PCDHGA2: variants seen among roughly 807,000 people sequenced by gnomAD.
The protein encoded by PCDHGA2 is protocadherin gamma subfamily A, 2, also known as protocadherin gamma-A2.
In PCDHGA2, 40 loss-of-function variants were observed where a neutral mutation model predicts 59.2. The ratio of observed to expected loss-of-function variants is 0.68; its 90% CI spans 0.52 to 0.88. The LOEUF is 0.88. Ranked by LOEUF, PCDHGA2 falls within the 40% of genes least tolerant of loss-of-function variation. PCDHGA2 has a pLI of 0.00. For missense variants in PCDHGA2, 1,226 were observed against 1,204.0 expected (o/e 1.02, Z -0.27); for synonymous variants, 560 against 526.0 (o/e 1.06, Z -0.89).
intron 1 of PCDHGA2, chr5:141,403,769 A>G (rs2094453064): frequency 6.2e-7 from 1 of 1,613,948 alleles, no homozygotes; most frequent in Non-Finnish European, 8.5e-7. Context: ...GGATGAGGGA[A>G]TCAACGGAAA....
intron 1 of PCDHGA2, among the ~76,000 whole-genome samples, chr5:141,466,554 G>A (rs2099125028): frequency 6.6e-6 from 1 of 152,068 alleles, no homozygotes. Flanking sequence ...TTTGCTGTGG[G>A]CTTCATCTTC....
At chr5:141,398,149 C>T (rs761559295) in intron 1 of PCDHGA2, 29 of 1,497,086 alleles carry the variant, frequency 1.9e-5, no homozygotes, top group Non-Finnish European at 2.6e-5. Context: ...CGCCGGGGAG[C>T]TGGGCCGGGC....
intron 1 of PCDHGA2, chr5:141,392,879 G>T: frequency 1.2e-6 from 2 of 1,613,512 alleles, no homozygotes; most frequent in East Asian, 2.2e-5. Flanking sequence ...TGCTGGGAAC[G>T]CTGTGGGAAA....
intron 1 of PCDHGA2, chr5:141,351,574 C>G: frequency 1.2e-6 from 2 of 1,614,058 alleles, no homozygotes; most frequent in Non-Finnish European, 1.7e-6. Context: ...CCCTGCACAT[C>G]TCCGACATCA....
At chr5:141,398,730 C>T (rs200411955) in intron 1 of PCDHGA2, 568 of 1,613,656 alleles carry the variant, frequency 3.5e-4, no homozygotes, top group Non-Finnish European at 4.6e-4. Context: ...AAACCTTAGA[C>T]CGGGAACAAC....
At chr5:141,501,570 G>C (rs1251110101) in intron 2 of PCDHGA2, among the ~76,000 whole-genome samples, 1 of 151,996 alleles carries the variant, frequency 6.6e-6, no homozygotes, top group African/African-American at 2.4e-5. Flanking sequence ...ATCATATTAG[G>C]CTGGCTTTCA....
rs1163396034 is a variant in PCDHGA2 at position 141,357,533 on chromosome 5, C to T, written c.2424+16138C>T. 6.8e-6 allele frequency: 11 copies of T among 1,614,076 alleles called. No homozygotes were observed. Among genetic ancestry groups the T allele is most frequent in the Non-Finnish European group, 9.3e-6 (11 of 1,180,036 alleles). ...TTCTCCCAACCCAGCTATGCAGACA[C>T]GCTCATCAGCCGGGAGAGTTGTGAG... is the stretch of plus-strand genomic sequence containing the variant. On this transcript the variant is annotated intron_variant, in intron 1 of 3. Transcript: ENST00000394576.
intron 1 of PCDHGA2, among the ~76,000 whole-genome samples, chr5:141,482,554 A>T (rs997707871): frequency 4.1e-5 from 6 of 146,884 alleles, no homozygotes; most frequent in Non-Finnish European, 6.0e-5. Flanking sequence ...AAAAAAGATA[A>T]TGGAGATCTG....
At chr5:141,394,310 GC>G in intron 1 of PCDHGA2, 6 of 1,613,936 alleles carry the variant, frequency 3.7e-6, no homozygotes, top group Non-Finnish European at 5.1e-6. Context: ...TGCAGGGGGC[GC>G]CCCTGTCCTC....
At position 141,388,041 on chromosome 5, in the gene PCDHGA2, G is replaced by C. The variant is rs2091214564; in HGVS notation, c.2424+46646G>C. The C allele has an allele frequency of 2.1e-6, 3 of 1,416,086 alleles. No homozygotes were observed. The African/African-American group carries it at 4.3e-5, about 20-fold the overall frequency. The allele number at this position is 1,416,086 out of a possible 1,614,324, so 87.7% of individuals were successfully genotyped here. ...CTCCGTAGTGGGGAACCTCGCCACG[G>C]ACCTGGGGTTCAGCGTCCAGGAGTT... On this transcript the variant is annotated intron_variant, in intron 1 of 3. Transcript: ENST00000394576.
intron 1 of PCDHGA2, chr5:141,409,534 C>A (rs774144232): frequency 3.1e-6 from 5 of 1,613,986 alleles, no homozygotes; most frequent in Non-Finnish European, 4.2e-6. Flanking sequence ...ATGTCGCTGA[C>A]ATCAACGACA....
rs377701820 is a variant in PCDHGA2 at position 141,422,031 on chromosome 5, G to A, written c.2425-72776G>A. On this transcript the variant is annotated intron_variant, in intron 1 of 3. Coordinates refer to ENST00000394576, the MANE Select transcript of PCDHGA2 (RefSeq NM_018915.4). ...CTCGGGTGCTGATGGTTAATGCAAC[G>A]GATCCAGACGAGGGAATCAACGGGG... 127 of 1,610,494 alleles carry A rather than the reference G, an allele frequency of 7.9e-5. No individual in the cohort carries two copies. In the East Asian group the frequency reaches 2.4e-3, roughly 31 times the overall value.
chr5:141,458,171 A>G (rs548935841), intron 1 of PCDHGA2, among the ~76,000 whole-genome samples: 74 of 152,336 alleles, frequency 4.9e-4, no homozygotes, highest in African/African-American at 1.6e-3. Flanking sequence ...TCACAGTAGT[A>G]TACCTTACTT....
chr5:141,395,542 TTGTGTGTGTGTGTGTGTGTG>T (rs55729045), intron 1 of PCDHGA2: 12 of 172,620 alleles, frequency 7.0e-5, no homozygotes, highest in Admixed American at 1.6e-4. Flanking sequence ...TTGCTATTGT[TTGTGTGTGTGTGTGTGTGTG>T]TGTGTGTGTG....
intron 1 of PCDHGA2, among the ~76,000 whole-genome samples, chr5:141,482,079 C>A (rs2099551704): frequency 8.4e-6 from 1 of 119,308 alleles, no homozygotes; most frequent in African/African-American, 3.8e-5. Context: ...GAACAAAACT[C>A]ACTCCATCTC....
At chr5:141,400,143 T>C (rs2093969868) in intron 1 of PCDHGA2, 2 of 1,613,986 alleles carry the variant, frequency 1.2e-6, no homozygotes, top group Admixed American at 3.3e-5. Flanking sequence ...CGGATATCAC[T>C]GACCGCCCTG....
chr5:141,367,277 G>T (rs1319740168), intron 1 of PCDHGA2: 2 of 153,324 alleles, frequency 1.3e-5, no homozygotes, highest in African/African-American at 4.8e-5. Context: ...GGTGGCTGAC[G>T]CCTGTAATCC....
intron 1 of PCDHGA2, chr5:141,385,966 G>T (rs968695297): frequency 6.6e-6 from 1 of 152,176 alleles, no homozygotes. Context: ...AAGGCCATCG[G>T]ACAAAACCAA....
chr5:141,497,649 C>T (rs973501351), intron 2 of PCDHGA2, among the ~76,000 whole-genome samples: 1 of 151,784 alleles, frequency 6.6e-6, no homozygotes, highest in Non-Finnish European at 1.5e-5. Context: ...AAGCGATTCT[C>T]CTGCCTCAGC....
Sources: allele counts gnomAD v4.1 joint callset (sites outside exome capture counted in the v4.1 genomes callset), GRCh38; gene constraint gnomAD v4.1.1; transcripts MANE v1.5; gene names NCBI Gene and HGNC (gene_info 2026-07-23, HGNC 2026-07-21).